The following C12orf42 variants were observed in gnomAD, a reference collection of about 807,000 sequenced individuals.
C12orf42 encodes chromosome 12 open reading frame 42, also known as uncharacterized protein C12orf42.
Under a neutral mutation model 21.6 loss-of-function variants are expected in C12orf42, and 25 were observed. That is an observed-to-expected ratio of 1.16 (90% CI 0.84 to 1.62). C12orf42 has a LOEUF of 1.62. Ranked by LOEUF, C12orf42 falls within the 40% of genes most tolerant of loss-of-function variation. The pLI, the probability that C12orf42 is intolerant of heterozygous loss-of-function variation, is 0.00. For missense variants in C12orf42, 483 were observed against 459.3 expected (o/e 1.05, Z -0.47); for synonymous variants, 174 against 175.0 (o/e 0.99, Z 0.05).
chr12:103,476,385 T>G (rs1159052638), intron 2 of C12orf42, among the ~76,000 whole-genome samples: 1 of 152,204 alleles, frequency 6.6e-6, no homozygotes, highest in East Asian at 1.9e-4. Context: ...CTTGCCATTT[T>G]TGGACCCAAG....
intron 1 of C12orf42, among the ~76,000 whole-genome samples, chr12:103,494,441 T>C (rs1593031049): frequency 6.6e-6 from 1 of 152,192 alleles, no homozygotes; most frequent in African/African-American, 2.4e-5. Flanking sequence ...ACTAGTCTCT[T>C]TTTCTCTTTC....
downstream of C12orf42, among the ~76,000 whole-genome samples, chr12:103,298,656 C>T (rs945032290): frequency 4.1e-5 from 6 of 147,986 alleles, no homozygotes; most frequent in Admixed American, 6.7e-5. Flanking sequence ...GTAGGAGTGA[C>T]GCTGAGTTCA....
chr12:103,159,253 T>C, the C12orf42 span, among the ~76,000 whole-genome samples: 2 of 152,192 alleles, frequency 1.3e-5, no homozygotes, highest in African/African-American at 4.8e-5. Flanking sequence ...TCTTCCCCTT[T>C]ACCTCTTGCC....
chr12:103,282,855 T>C (rs1268038586), intron 4 of C12orf42, among the ~76,000 whole-genome samples: 1 of 152,244 alleles, frequency 6.6e-6, no homozygotes, highest in Non-Finnish European at 1.5e-5. Flanking sequence ...CTTTGAGTTT[T>C]GAAAACCTTC....
chr12:103,340,495 A>C (rs1593507314), intron 4 of C12orf42, among the ~76,000 whole-genome samples: 1 of 152,264 alleles, frequency 6.6e-6, no homozygotes, highest in Admixed American at 6.5e-5. Context: ...AAAACCCAAA[A>C]GAATCATAAT....
intron 3 of C12orf42, among the ~76,000 whole-genome samples, chr12:103,379,850 T>A (rs2046014129): frequency 6.6e-6 from 1 of 152,166 alleles, no homozygotes; most frequent in African/African-American, 2.4e-5. Context: ...TCTTTCTAAT[T>A]AAGGGTAATA....
chr12:103,174,309 T>A, the C12orf42 span, among the ~76,000 whole-genome samples: 1 of 152,186 alleles, frequency 6.6e-6, no homozygotes, highest in African/African-American at 2.4e-5. Flanking sequence ...TCAGAAGTAG[T>A]GATTTTTTGA....
At chr12:103,506,447 T>A in the C12orf42 span, among the ~76,000 whole-genome samples, 1 of 151,988 alleles carries the variant, frequency 6.6e-6, no homozygotes, top group Non-Finnish European at 1.5e-5. Flanking sequence ...TATGCAATGA[T>A]GGTCCTGTAA....
At chr12:103,551,907 T>A in the C12orf42 span, among the ~76,000 whole-genome samples, 1 of 152,062 alleles carries the variant, frequency 6.6e-6, no homozygotes, top group Non-Finnish European at 1.5e-5. Context: ...AGGAAGAGAA[T>A]CACCTTAGTC....
At chr12:103,556,459 G>C in the C12orf42 span, among the ~76,000 whole-genome samples, 3 of 152,164 alleles carry the variant, frequency 2.0e-5, no homozygotes, top group African/African-American at 7.2e-5. Context: ...CAGGAAGTTG[G>C]CTTTGAGTGT....
At chr12:103,506,653 A>C in the C12orf42 span, among the ~76,000 whole-genome samples, 2 of 149,728 alleles carry the variant, frequency 1.3e-5, no homozygotes, top group African/African-American at 4.9e-5. Flanking sequence ...TCAGACAATG[A>C]TAAAGTTGCT....
chr12:103,430,637 C>T (rs1057056309), intron 2 of C12orf42, among the ~76,000 whole-genome samples: 1 of 152,184 alleles, frequency 6.6e-6, no homozygotes, highest in Non-Finnish European at 1.5e-5. Context: ...GATCATAAAT[C>T]GTTCTACTAT....
chr12:103,158,410 A>G, the C12orf42 span, among the ~76,000 whole-genome samples: 2 of 152,154 alleles, frequency 1.3e-5, no homozygotes, highest in Non-Finnish European at 2.9e-5. Context: ...GACTTGGAAC[A>G]CATTCGCTTC....
intron 10 of C12orf42, among the ~76,000 whole-genome samples, chr12:103,241,292 C>T (rs886346636): frequency 6.6e-6 from 1 of 152,036 alleles, no homozygotes; most frequent in East Asian, 1.9e-4. Flanking sequence ...TAAGATGCCA[C>T]TTCATTTATT....
chr12:103,099,944 A>T, the C12orf42 span, among the ~76,000 whole-genome samples: 1 of 152,218 alleles, frequency 6.6e-6, no homozygotes, highest in Non-Finnish European at 1.5e-5. Flanking sequence ...GCCCACTTTG[A>T]TTAGAATTTC....
At chr12:103,266,217 A>G (rs1019789569), downstream of C12orf42, among the ~76,000 whole-genome samples, 6 of 152,170 alleles carry the variant, frequency 3.9e-5, no homozygotes, top group African/African-American at 1.4e-4. Context: ...TTGTATTTGG[A>G]AATGATACCA....
At chr12:103,506,816 TTATATATATATTTATATATTATA>T in the C12orf42 span, among the ~76,000 whole-genome samples, 92 of 93,198 alleles carry the variant, frequency 9.9e-4, 3 homozygotes, top group South Asian at 2.3e-3. Context: ...AAATACATGT[TTATATATATATTTATATATTATA>T]TATATATATA....
At chr12:103,476,326 T>C (rs1371121182) in intron 2 of C12orf42, among the ~76,000 whole-genome samples, 1 of 152,184 alleles carries the variant, frequency 6.6e-6, no homozygotes, top group Non-Finnish European at 1.5e-5. Flanking sequence ...CCCTGATCCA[T>C]TCCCTCTGTC....
the C12orf42 span, among the ~76,000 whole-genome samples, chr12:103,563,060 T>G: frequency 6.6e-6 from 1 of 152,224 alleles, no homozygotes; most frequent in African/African-American, 2.4e-5. Flanking sequence ...GAGGGTTTCT[T>G]TTAAGAGTTA....
Sources: gnomAD v4.1 joint callset for allele counts (sites outside exome capture counted in the v4.1 genomes callset) on GRCh38, gnomAD v4.1.1 for gene constraint, MANE v1.5 for transcripts, NCBI Gene and HGNC (gene_info 2026-07-23, HGNC 2026-07-21) for gene names.